The following ARMC2 variants were observed in gnomAD, a reference collection of about 807,000 sequenced individuals.
The protein encoded by ARMC2 is armadillo repeat-containing protein 2.
In ARMC2, 67 loss-of-function variants were observed where a neutral mutation model predicts 90.3. The ratio of observed to expected loss-of-function variants is 0.74; its 90% CI spans 0.61 to 0.91. The LOEUF is 0.91. ARMC2 is among the 40% of genes least tolerant of loss of function. The pLI, the probability that ARMC2 is intolerant of heterozygous loss-of-function variation, is 0.00. For missense variants in ARMC2, 920 were observed against 1,030.9 expected (o/e 0.89, Z 1.47); for synonymous variants, 393 against 393.0 (o/e 1.00, Z 0.00).
intron 5 of ARMC2, among the ~76,000 whole-genome samples, chr6:108,891,873 GT>G (rs1704218241): frequency 6.6e-6 from 1 of 152,140 alleles, no homozygotes; most frequent in African/African-American, 2.4e-5. Context: ...GGTTTTTATG[GT>G]TTTAGGTCTT....
chr6:109,028,470 T>C, the ARMC2 span, among the ~76,000 whole-genome samples: 2 of 152,192 alleles, frequency 1.3e-5, no homozygotes, highest in African/African-American at 2.4e-5. Context: ...CATTTGCATG[T>C]ATGTATGTTA....
At chr6:108,875,597 C>T (rs1167643673) in intron 4 of ARMC2, among the ~76,000 whole-genome samples, 1 of 152,216 alleles carries the variant, frequency 6.6e-6, no homozygotes, top group Non-Finnish European at 1.5e-5. Flanking sequence ...GCCTTCCCTA[C>T]TTTTATACTT....
At chr6:109,028,853 C>A in the ARMC2 span, among the ~76,000 whole-genome samples, 1 of 152,122 alleles carries the variant, frequency 6.6e-6, no homozygotes, top group African/African-American at 2.4e-5. Flanking sequence ...CCCAAACTTT[C>A]CAATAAATCT....
Position 108,967,444 on chromosome 6 carries a change from TCAG to T in ARMC2, c.2446+2308_2446+2310del, listed in dbSNP as rs143283011. Among the ~76,000 whole-genome samples, 1,061 of 152,268 alleles carry T rather than the reference TCAG, an allele frequency of 7.0e-3. 11 individuals are homozygous for T. The highest frequency in any genetic ancestry group is 0.024 in the African/African-American group (1,004 of 41,548). On this transcript the variant is annotated intron_variant, in intron 17 of 17. Coordinates refer to ENST00000392644, the MANE Select transcript of ARMC2 (RefSeq NM_032131.6). ...AGGAGGTGTGGGCATGGCTGGCTTC[TCAG>T]CAGGGGCAGTGTACCTGGAAGGCAC...
intron 13 of ARMC2, among the ~76,000 whole-genome samples, chr6:108,957,207 C>G (rs1265433943): frequency 1.3e-5 from 2 of 152,190 alleles, no homozygotes; most frequent in African/African-American, 4.8e-5. Context: ...AAGACTTTAT[C>G]TCCAAATAAA....
chr6:108,864,077 G>A (rs547523327), intron 3 of ARMC2, among the ~76,000 whole-genome samples: 23 of 152,268 alleles, frequency 1.5e-4, no homozygotes, highest in South Asian at 8.3e-4. Flanking sequence ...TAGAGCCAAA[G>A]CAGTGTTTTT....
At chr6:108,902,759 T>G (rs1304936391) in intron 7 of ARMC2, among the ~76,000 whole-genome samples, 2 of 152,232 alleles carry the variant, frequency 1.3e-5, no homozygotes, top group African/African-American at 4.8e-5. Context: ...TAAGATTGGT[T>G]TCCTACTTTT....
intron 10 of ARMC2, among the ~76,000 whole-genome samples, chr6:108,926,921 C>CTTTTTTTTTTTTTTTTTTTTTTT (rs34646224): frequency 7.2e-6 from 1 of 138,088 alleles, no homozygotes; most frequent in Non-Finnish European, 1.5e-5. Context: ...TTATTTGAAG[C>CTTTTTTTTTTTTTTTTTTTTTTT]TTTTTTTTTT....
rs549407484 is a variant in ARMC2, at chr6:108,896,367, T to C, written c.748+1824T>C. On this transcript the variant is annotated intron_variant, in intron 6 of 17. Transcript: ENST00000392644. Reference sequence around the variant, plus strand: ...CTAGATGAAAGTGCTTTCTAAAATATTAGATTGTTGCCCAAGATTGAAACA... The same window carrying C: ...CTAGATGAAAGTGCTTTCTAAAATACTAGATTGTTGCCCAAGATTGAAACA... Among the ~76,000 whole-genome samples, 7 of 152,366 alleles carry C rather than the reference T, an allele frequency of 4.6e-5. No individual in the cohort carries two copies. The East Asian group carries it at 7.7e-4, about 17-fold the overall frequency.
chr6:108,934,183 T>C (rs1399390596), intron 11 of ARMC2, among the ~76,000 whole-genome samples: 1 of 152,110 alleles, frequency 6.6e-6, no homozygotes, highest in Non-Finnish European at 1.5e-5. Context: ...TTATTGAGAG[T>C]TTTTACCATG....
intron 12 of ARMC2, among the ~76,000 whole-genome samples, chr6:108,951,231 G>A (rs921519728): frequency 3.9e-5 from 6 of 152,120 alleles, no homozygotes; most frequent in Admixed American, 6.5e-5. Context: ...AGTCTTTGCC[G>A]TTTCCCCACA....
the ARMC2 span, among the ~76,000 whole-genome samples, chr6:109,038,526 A>C: frequency 1.3e-5 from 2 of 152,230 alleles, no homozygotes; most frequent in Non-Finnish European, 2.9e-5. Flanking sequence ...ACAAGTCTTT[A>C]GCACCTGAAT....
chr6:108,919,516 A>C (rs1480134807), intron 10 of ARMC2, among the ~76,000 whole-genome samples: 6 of 146,074 alleles, frequency 4.1e-5, no homozygotes, highest in Non-Finnish European at 9.1e-5. Context: ...TCTTACAGAT[A>C]ATTTTTTTTT....
the ARMC2 span, among the ~76,000 whole-genome samples, chr6:109,007,196 T>C: frequency 4.3e-4 from 66 of 152,332 alleles, 1 homozygote; most frequent in East Asian, 0.012. Flanking sequence ...AAATTCGTAG[T>C]GAATGTTGAC....
chr6:109,046,707 G>C, the ARMC2 span, among the ~76,000 whole-genome samples: 1 of 135,324 alleles, frequency 7.4e-6, no homozygotes, highest in African/African-American at 2.7e-5. Context: ...CCCATCGTCT[G>C]AGATGTGGGG....
At chr6:108,997,659 A>T in the ARMC2 span, among the ~76,000 whole-genome samples, 1 of 152,218 alleles carries the variant, frequency 6.6e-6, no homozygotes. Context: ...GAGATTCAGT[A>T]ACTTGCCCGA....
chr6:108,898,466 G>T (rs1176045424), intron 6 of ARMC2, among the ~76,000 whole-genome samples: 3 of 152,204 alleles, frequency 2.0e-5, no homozygotes, highest in Non-Finnish European at 4.4e-5. Flanking sequence ...GGACTTAAGG[G>T]GTGGTCTTCA....
intron 5 of ARMC2, among the ~76,000 whole-genome samples, chr6:108,887,429 T>C (rs1287984774): frequency 1.3e-5 from 2 of 152,106 alleles, no homozygotes; most frequent in Non-Finnish European, 2.9e-5. Context: ...CTTTTGCTCT[T>C]AAACATGTGG....
intron 11 of ARMC2, among the ~76,000 whole-genome samples, chr6:108,933,469 A>G (rs1775739613): frequency 1.3e-5 from 2 of 152,080 alleles, no homozygotes; most frequent in Non-Finnish European, 2.9e-5. Flanking sequence ...TTTTGGGCTG[A>G]GACTGTGGGG....
Sources: gnomAD v4.1 joint callset for allele counts (sites outside exome capture counted in the v4.1 genomes callset) on GRCh38, gnomAD v4.1.1 for gene constraint, MANE v1.5 for transcripts, NCBI Gene and HGNC (gene_info 2026-07-23, HGNC 2026-07-21) for gene names.